The following RBM14 variants were observed in gnomAD, a reference collection of about 807,000 sequenced individuals.
RBM14 encodes the protein RNA-binding protein 14.
In RBM14, 5 loss-of-function variants were observed where a neutral mutation model predicts 52.8. The ratio of observed to expected loss-of-function variants is 0.09; its 90% CI spans 0.05 to 0.20. The LOEUF is 0.20. Ranked by LOEUF, RBM14 falls within the 10% of genes least tolerant of loss-of-function variation. RBM14 has a pLI of 1.00. For missense variants in RBM14, 780 were observed against 926.6 expected, an observed-to-expected ratio of 0.84 and a Z score of 2.05; for synonymous variants, 411 against 401.8, an observed-to-expected ratio of 1.02 and a Z score of -0.28.
Position 66,624,885 on chromosome 11 carries a change from T to C in RBM14, c.1009T>C (p.Ser337Pro), listed in dbSNP as rs1208281300. 6.2e-6 allele frequency: 10 copies of C among 1,613,330 alleles called. No individual in the cohort carries two copies. Among genetic ancestry groups the C allele is most frequent in the Non-Finnish European group, 8.5e-6 (10 of 1,179,824 alleles). Residue 337 changes from serine to proline, a missense_variant, in exon 2 of 3, where the codon TCC becomes CCC. This residue lies in a region of RBM14 where 675 missense variants were observed against 697.3 expected (regional missense o/e 0.97). Transcript: ENST00000310137. The surrounding 1 kb of genome is among the most constrained non-coding windows in gnomAD (Gnocchi z 4.7). ...SLNSYGAQGSSLASYGNQPSS... is the reference protein window; with the variant it reads ...SLNSYGAQGSPLASYGNQPSS... ...CAACTCCTATGGGGCTCAGGGTTCCTCCCTTGCCTCCTATGGTAACCAGCC... is the reference window on the plus strand; with the variant it reads ...CAACTCCTATGGGGCTCAGGGTTCCCCCCTTGCCTCCTATGGTAACCAGCC...
rs930621157 is a variant in RBM14 at position 66,624,636 on chromosome 11, T to C, written c.760T>C (p.Ser254Pro). Residue 254 changes from serine (S) to proline (P), a missense_variant, in exon 2 of 3, where the codon TCT (serine) becomes CCT (proline). Ser to Pro is a moderately conservative substitution (Grantham distance 74, BLOSUM62 -1). Around this residue, in one of 4 missense-constraint regions of RBM14, gnomAD observed 675 missense variants for 697.3 expected, o/e 0.97. Coordinates refer to ENST00000310137, the MANE Select transcript of RBM14 (RefSeq NM_006328.4). This position sits in a 1 kb window ranked among gnomAD's most constrained non-coding sequence, Gnocchi z 4.7. ...GGGAGCTGCCTACAGGGCCCAGCCTTCTGCCTCTTTGGGTGTTGGCTATCG... is the reference window on the plus strand; with the variant it reads ...GGGAGCTGCCTACAGGGCCCAGCCTCCTGCCTCTTTGGGTGTTGGCTATCG... ...SLGAAYRAQP[S>P]ASLGVGYRTQ... 1.9e-6 allele frequency: 3 copies of C among 1,612,924 alleles called. No homozygotes were observed. The highest frequency in any genetic ancestry group is 1.7e-6 in the Non-Finnish European group (2 of 1,179,980).
chr11:66,624,388 G>C lies in RBM14; in HGVS notation c.512G>C (p.Gly171Ala). ...GACAAGACCAAGAAACCAGGGGCTGGGGATACGGCCTTCCCTGGAACTGGT... is the reference window on the plus strand; with the variant it reads ...GACAAGACCAAGAAACCAGGGGCTGCGGATACGGCCTTCCCTGGAACTGGT... ...SGDKTKKPGAGDTAFPGTGGF... is the reference protein window; with the variant it reads ...SGDKTKKPGAADTAFPGTGGF... The change falls in exon 2 of 3, where the codon GGG becomes GCG. Residue 171 changes from glycine to alanine, a missense_variant. Gly to Ala is a moderately conservative substitution (Grantham distance 60, BLOSUM62 0). Coordinates refer to ENST00000310137, the MANE Select transcript of RBM14 (RefSeq NM_006328.4). This position sits in a 1 kb window ranked among gnomAD's most constrained non-coding sequence, Gnocchi z 4.7. The C allele has an allele frequency of 5.0e-6, 8 of 1,614,140 alleles. No individual in the cohort carries two copies. The highest frequency in any genetic ancestry group is 6.8e-6 in the Non-Finnish European group (8 of 1,179,986).
intron 1 of RBM14, chr11:66,618,907 G>T (rs931106243): frequency 2.4e-5 from 6 of 251,452 alleles, no homozygotes; most frequent in Non-Finnish European, 4.6e-5. Flanking sequence ...ACTCCTGGCT[G>T]ACTCCTTGTG....
Position 66,625,124 on chromosome 11 carries a change from A to C in RBM14, c.1248A>C (p.Pro416=). ...CCTCTTACAATGCCCAGTCTGCCCC[A>C]TATGCTGCACAGCAGGCTGCTTCCT... is the stretch of plus-strand genomic sequence containing the variant. ...PSASYNAQSA[P]YAAQQAASYS... Residue 416 remains proline, a synonymous_variant, in exon 2 of 3, where the codon CCA becomes CCC. Coordinates refer to ENST00000310137, the MANE Select transcript of RBM14 (RefSeq NM_006328.4). This position sits in a 1 kb window ranked among gnomAD's most constrained non-coding sequence, Gnocchi z 4.2. 2 of 1,613,158 alleles carry C rather than the reference A, an allele frequency of 1.2e-6. No individual in the cohort carries two copies. Among genetic ancestry groups the C allele is most frequent in the South Asian group, 1.1e-5 (1 of 91,070 alleles).
rs1937823763 is a variant in RBM14 at position 66,626,657 on chromosome 11, C to T, written c.1999C>T (p.Arg667Cys). The change falls in exon 3 of 3, where the codon CGC becomes TGC. Residue 667 changes from arginine (R) to cysteine (C), a missense_variant. By Grantham distance (180) the Arg-to-Cys change is radical. Transcript: ENST00000310137. The part of the protein sequence containing the change: ...RAAQMHSGYQ[R>C]RM ...GGCTCAGATGCACTCTGGCTACCAG[C>T]GCCGCATGTAGGGCCATCCTGGGAT... The T allele has an allele frequency of 1.2e-6, 2 of 1,606,898 alleles. No individual in the cohort carries two copies. Among genetic ancestry groups the T allele is most frequent in the African/African-American group, 1.3e-5 (1 of 74,852 alleles).
At chr11:66,620,514 C>G (rs1010599403) in intron 1 of RBM14, among the ~76,000 whole-genome samples, 15 of 152,102 alleles carry the variant, frequency 9.9e-5, no homozygotes, top group African/African-American at 3.1e-4. Context: ...GTTGGCCAGG[C>G]TGGTCTTGAA....
At position 66,626,906 on chromosome 11, in the gene RBM14, C is replaced by T. The variant is rs945967351; in HGVS notation, c.*238C>T. The T allele has an allele frequency of 9.0e-6, 4 of 442,314 alleles. No individual in the cohort carries two copies. Among genetic ancestry groups the T allele is most frequent in the Non-Finnish European group, 1.6e-5 (4 of 251,238 alleles). 27.4% of individuals were successfully genotyped at this position (442,314 alleles called of 1,614,324 possible). A position where few individuals can be genotyped will look rare whatever the true frequency, so the allele number is the denominator to read the frequency against. On this transcript the variant is annotated 3_prime_UTR_variant, in exon 3 of 3. Coordinates refer to ENST00000310137, the MANE Select transcript of RBM14 (RefSeq NM_006328.4). ...CTCTAGATCTGCGGTTTCCCCTCTA[C>T]CCTGCCTCCCGTCTCCCCAGAATGG...
At position 66,625,622 on chromosome 11, in the gene RBM14, C is replaced by G; in HGVS notation, c.1746C>G (p.Ser582=). Residue 582 remains serine (S), a synonymous_variant, in exon 2 of 3, where the codon TCC becomes TCG. Transcript: ENST00000310137. The surrounding 1 kb of genome is among the most constrained non-coding windows in gnomAD (Gnocchi z 4.2). ...TPPPYERTRL[S]PPRASYDDPY... Reference sequence around the variant, plus strand: ...CGCCCTATGAGCGTACCCGCCTCTCCCCACCCCGGGCCAGCTACGACGATC... The same window carrying G: ...CGCCCTATGAGCGTACCCGCCTCTCGCCACCCCGGGCCAGCTACGACGATC... 6.2e-7 allele frequency: 1 copy of G among 1,613,112 alleles called. No individual in the cohort carries two copies. Among genetic ancestry groups the G allele is most frequent in the Non-Finnish European group, 8.5e-7 (1 of 1,179,982 alleles).
At chr11:66,621,475 T>A (rs1442429201) in intron 1 of RBM14, among the ~76,000 whole-genome samples, 4 of 152,088 alleles carry the variant, frequency 2.6e-5, no homozygotes, top group Non-Finnish European at 5.9e-5. Context: ...CCTCCCGGGT[T>A]AAAGTGATTC....
In RBM14 at chr11:66,624,418, T is replaced by C; in HGVS notation, c.542T>C (p.Phe181Ser). 1.2e-6 allele frequency: 2 copies of C among 1,614,108 alleles called. No homozygotes were observed. The highest frequency in any genetic ancestry group is 1.7e-6 in the Non-Finnish European group (2 of 1,179,984). ...ACGGCCTTCCCTGGAACTGGTGGCT[T>C]CTCTGCCACCTTCGACTACCAGCAG... ...GDTAFPGTGG[F>S]SATFDYQQAF... The change falls in exon 2 of 3, where the codon TTC becomes TCC. Residue 181 changes from phenylalanine to serine, a missense_variant. Physicochemically the swap from Phe to Ser is radical, Grantham distance 155 (BLOSUM62 -2). This residue lies in a region of RBM14 where 675 missense variants were observed against 697.3 expected (regional missense o/e 0.97). Coordinates refer to ENST00000310137, the MANE Select transcript of RBM14 (RefSeq NM_006328.4). This position sits in a 1 kb window ranked among gnomAD's most constrained non-coding sequence, Gnocchi z 4.7.
In RBM14 at chr11:66,626,862, C is replaced by A; in HGVS notation, c.*194C>A. 1 of 576,538 alleles carries A rather than the reference C, an allele frequency of 1.7e-6. No individual in the cohort carries two copies. Among genetic ancestry groups the A allele is most frequent in the Non-Finnish European group, 3.0e-6 (1 of 335,474 alleles). 35.7% of individuals were successfully genotyped at this position (576,538 alleles called of 1,614,324 possible). A position where few individuals can be genotyped will look rare whatever the true frequency, so the allele number is the denominator to read the frequency against. On this transcript the variant is annotated 3_prime_UTR_variant, in exon 3 of 3. Transcript: ENST00000310137. Reference sequence around the variant, plus strand: ...AACCTACTTTGTTCCTTCGCCTCAGCAGCAAATCTTGCTACTGGCTCTAGA... The same window carrying A: ...AACCTACTTTGTTCCTTCGCCTCAGAAGCAAATCTTGCTACTGGCTCTAGA...
At position 66,624,685 on chromosome 11, in the gene RBM14, C is replaced by T. The variant is rs1398349227; in HGVS notation, c.809C>T (p.Ala270Val). ...CGGACTCAGCCCATGACAGCCCAGGCAGCCTCTTACCGCGCTCAGCCCTCT... is the reference window on the plus strand; with the variant it reads ...CGGACTCAGCCCATGACAGCCCAGGTAGCCTCTTACCGCGCTCAGCCCTCT... ...GYRTQPMTAQ[A>V]ASYRAQPSVS... The change falls in exon 2 of 3, where the codon GCA becomes GTA. Residue 270 changes from alanine to valine, a missense_variant. This residue lies in a region of RBM14 where 675 missense variants were observed against 697.3 expected (regional missense o/e 0.97). Transcript: ENST00000310137. The surrounding 1 kb of genome is among the most constrained non-coding windows in gnomAD (Gnocchi z 4.7). The T allele has an allele frequency of 1.9e-6, 3 of 1,613,722 alleles. No individual in the cohort carries two copies. The highest frequency in any genetic ancestry group is 1.7e-6 in the Non-Finnish European group (2 of 1,179,816).
intron 2 of RBM14, among the ~76,000 whole-genome samples, chr11:66,626,007 T>C (rs1436724837): frequency 1.3e-5 from 2 of 152,188 alleles, no homozygotes; most frequent in Non-Finnish European, 2.9e-5. Context: ...TCCTTAAGCC[T>C]ATTACGTGGT....
In RBM14 at chr11:66,629,140, T is replaced by G. The variant is rs1273228412; in HGVS notation, c.*2472T>G. ...ACCTGTGTTAATCCTATAGCCTGCT[T>G]CTTTGCTTTGTGGATTACTGATTTC... On this transcript the variant is annotated 3_prime_UTR_variant, in exon 3 of 3. Transcript: ENST00000310137. 1.3e-5 allele frequency among the ~76,000 whole-genome samples: 2 copies of G among 152,226 alleles called. No homozygotes were observed. Among genetic ancestry groups the G allele is most frequent in the African/African-American group, 2.4e-5 (1 of 41,454 alleles).
At position 66,625,772 on chromosome 11, in the gene RBM14, C is replaced by G; in HGVS notation, c.1802+94C>G. The G allele has an allele frequency of 3.1e-6, 3 of 958,440 alleles. No homozygotes were observed. Among genetic ancestry groups the G allele is most frequent in the Non-Finnish European group, 4.6e-6 (3 of 654,408 alleles). The allele number at this position is 958,440 out of a possible 1,614,324, so 59.4% of individuals were successfully genotyped here. ...GGGAAACTGGAGGCATCGGCCCCTC[C>G]CTCGGTCTTCTCTTCTCTATTTTTG... is the stretch of plus-strand genomic sequence containing the variant. On this transcript the variant is annotated intron_variant, in intron 2 of 2. Coordinates refer to ENST00000310137, the MANE Select transcript of RBM14 (RefSeq NM_006328.4). The surrounding 1 kb of genome is among the most constrained non-coding windows in gnomAD (Gnocchi z 4.2).
intron 1 of RBM14, chr11:66,617,453 C>T (rs966540782): frequency 3.9e-6 from 4 of 1,032,670 alleles, no homozygotes; most frequent in African/African-American, 1.7e-5. Context: ...CACTTCCTCT[C>T]CAGACGTCGG....
chr11:66,624,602 C>T lies in RBM14; in HGVS notation c.726C>T (p.Ser242=), dbSNP rs373446397. ...AQPATYRAQP[S]VSLGAAYRAQ... ...CAGCTACCTACCGGGCCCAGCCGTC[C>T]GTGTCACTGGGAGCTGCCTACAGGG... is the stretch of plus-strand genomic sequence containing the variant. The change falls in exon 2 of 3, where the codon TCC becomes TCT. Residue 242 remains serine, a synonymous_variant. Transcript: ENST00000310137. The surrounding 1 kb of genome is among the most constrained non-coding windows in gnomAD (Gnocchi z 4.7). 51 of 1,612,174 alleles carry T rather than the reference C, an allele frequency of 3.2e-5. No individual in the cohort carries two copies. Among genetic ancestry groups the T allele is most frequent in the Middle Eastern group, 1.6e-4 (1 of 6,084 alleles).
chr11:66,617,158 G>T (rs1208908656), intron 1 of RBM14, 101 bp downstream of exon 1: 36 of 1,484,742 alleles, frequency 2.4e-5, no homozygotes, highest in Non-Finnish European at 2.9e-5. Context: ...GTTGGGAGGG[G>T]TGGGGAAGTG....
In RBM14 at chr11:66,624,350, T is replaced by C. The variant is rs759917008; in HGVS notation, c.474T>C (p.Ala158=). ...GTCAGAAGAAGGGGCCTGGCCTGGCTGTCCAGTCTGGGGACAAGACCAAGA... is the reference window on the plus strand; with the variant it reads ...GTCAGAAGAAGGGGCCTGGCCTGGCCGTCCAGTCTGGGGACAAGACCAAGA... ...TKGQKKGPGL[A]VQSGDKTKKP... is the part of the protein sequence containing the mutation. The change falls in exon 2 of 3, where the codon GCT becomes GCC. Residue 158 remains alanine (A), a synonymous_variant. Coordinates refer to ENST00000310137, the MANE Select transcript of RBM14 (RefSeq NM_006328.4). This position sits in a 1 kb window ranked among gnomAD's most constrained non-coding sequence, Gnocchi z 4.7. 10 of 1,614,042 alleles carry C rather than the reference T, an allele frequency of 6.2e-6. No homozygotes were observed. The East Asian group carries it at 2.2e-4, about 36-fold the overall frequency.
Sources: gnomAD v4.1 joint callset for allele counts (sites outside exome capture counted in the v4.1 genomes callset) on GRCh38, gnomAD v4.1.1 for gene constraint, gnomAD v4.1.1 regional missense constraint, Gnocchi (gnomAD v3.1) non-coding constraint, MANE v1.5 for transcripts, NCBI Gene and HGNC (gene_info 2026-07-23, HGNC 2026-07-21) for gene names.